The following PNKD variants were observed in gnomAD, a reference collection of about 807,000 sequenced individuals.
PNKD encodes PNKD metallo-beta-lactamase domain containing, also known as probable thioesterase PNKD.
In PNKD, 36 loss-of-function variants were observed where a neutral mutation model predicts 45.3. That is an observed-to-expected ratio of 0.80 (90% confidence interval 0.61 to 1.05). The LOEUF (loss-of-function observed/expected upper bound fraction) is 1.05, where lower values mean the gene tolerates loss of function less well. PNKD is among the 50% of genes least tolerant of loss of function. The probability of loss-of-function intolerance (pLI) is 0.00; values close to 1 mark genes in which losing one functional copy is unlikely to be tolerated. For synonymous variants in PNKD, 197 were observed against 210.1 expected, an observed-to-expected ratio of 0.94 and a Z score of 0.54; for missense variants, 511 against 506.6, an observed-to-expected ratio of 1.01 and a Z score of -0.08.
At chr2:218,311,654 C>T (rs964372484) in intron 2 of PNKD, among the ~76,000 whole-genome samples, 10 of 152,144 alleles carry the variant, frequency 6.6e-5, no homozygotes, top group African/African-American at 2.2e-4. Flanking sequence ...AGCCATAGGA[C>T]GGTTTTCTCC....
chr2:218,277,761 T>C lies in PNKD; in HGVS notation c.236+6212T>C, dbSNP rs1022562652. 6 of 1,579,854 alleles carry C rather than the reference T, an allele frequency of 3.8e-6. No individual in the cohort carries two copies. In the Admixed American group the frequency reaches 6.8e-5, roughly 18 times the overall value. ...TGGCCATGGTGGCCTCTGCCAGAGC[T>C]GGGGAACGCCACCAAGTTGGAAAGA... On this transcript the variant is annotated intron_variant, in intron 2 of 9. Coordinates refer to ENST00000273077, the MANE Select transcript of PNKD (RefSeq NM_015488.5).
intron 2 of PNKD, among the ~76,000 whole-genome samples, chr2:218,272,124 C>G (rs1265936385): frequency 6.6e-6 from 1 of 152,128 alleles, no homozygotes; most frequent in Non-Finnish European, 1.5e-5. Flanking sequence ...CATGCTCTTT[C>G]CCCCATACCA....
intron 2 of PNKD, among the ~76,000 whole-genome samples, chr2:218,323,680 G>C (rs891442193): frequency 1.3e-5 from 2 of 152,120 alleles, no homozygotes; most frequent in Non-Finnish European, 1.5e-5. Context: ...GGCCACGGAA[G>C]GAGGGCGTGA....
At chr2:218,278,657 G>T (rs997662985) in intron 2 of PNKD, 3 of 1,414,470 alleles carry the variant, frequency 2.1e-6, no homozygotes, top group African/African-American at 2.8e-5. Flanking sequence ...CCAAATAGCC[G>T]TTTGGAAGTC....
At chr2:218,332,525 G>C (rs920732420) in intron 2 of PNKD, among the ~76,000 whole-genome samples, 2 of 152,078 alleles carry the variant, frequency 1.3e-5, no homozygotes, top group Admixed American at 6.6e-5. Flanking sequence ...TAGGTCCTCA[G>C]GCTGCTCTCC....
intron 2 of PNKD, among the ~76,000 whole-genome samples, chr2:218,309,866 C>T (rs1038149645): frequency 4.6e-5 from 7 of 150,822 alleles, no homozygotes. Context: ...ACCTGGGAGG[C>T]GGAGGCTGCG....
chr2:218,324,387 A>C (rs556902462), intron 2 of PNKD, among the ~76,000 whole-genome samples: 2 of 152,300 alleles, frequency 1.3e-5, no homozygotes, highest in African/African-American at 4.8e-5. Flanking sequence ...GACATTGTGC[A>C]ATTCACCCTC....
intron 2 of PNKD, among the ~76,000 whole-genome samples, chr2:218,309,439 GGAAAGAAAAGGA>G (rs1693533706): frequency 7.4e-6 from 1 of 134,384 alleles, no homozygotes; most frequent in African/African-American, 2.8e-5. Context: ...AAAAAAAAAA[GGAAAGAAAAGGA>G]GAAAGAAAAA....
intron 1 of PNKD, 50 bp from the exon 2 acceptor site, chr2:218,271,331 T>C (rs2106177459): frequency 6.4e-7 from 1 of 1,554,602 alleles, no homozygotes; most frequent in Non-Finnish European, 8.9e-7. Context: ...ACCTCCCCGC[T>C]TGCTTTCTTC....
intron 2 of PNKD, among the ~76,000 whole-genome samples, chr2:218,320,751 G>T (rs532264805): frequency 6.6e-6 from 1 of 152,320 alleles, no homozygotes; most frequent in Non-Finnish European, 1.5e-5. Context: ...ATGTGCAAAG[G>T]CATGGGGGTG....
Position 218,278,892 on chromosome 2 carries a change from C to A in PNKD, c.236+7343C>A, listed in dbSNP as rs1407762286. 4.4e-6 allele frequency: 4 copies of A among 913,918 alleles called. No individual in the cohort carries two copies. In the East Asian group the frequency reaches 1.0e-4, roughly 24 times the overall value. The allele number at this position is 913,918 out of a possible 1,614,324, so 56.6% of individuals were successfully genotyped here. ...CTGCTACTCATCTGGGCACGCACAC[C>A]CACACCCTCTGGCACGGGAAACTGG... is the stretch of plus-strand genomic sequence containing the variant. On this transcript the variant is annotated intron_variant, in intron 2 of 9. Coordinates refer to ENST00000273077, the MANE Select transcript of PNKD (RefSeq NM_015488.5).
At chr2:218,300,861 T>G (rs893941096) in intron 2 of PNKD, among the ~76,000 whole-genome samples, 1 of 152,188 alleles carries the variant, frequency 6.6e-6, no homozygotes, top group African/African-American at 2.4e-5. Context: ...GAATTTTTAA[T>G]GGGATTTTTA....
chr2:218,330,645 A>C (rs548733051), intron 2 of PNKD, among the ~76,000 whole-genome samples: 1 of 152,310 alleles, frequency 6.6e-6, no homozygotes, highest in South Asian at 2.1e-4. Flanking sequence ...GTCCCAGAGG[A>C]CCAATTGGGA....
In PNKD at chr2:218,294,027, C is replaced by G. The variant is rs543522412; in HGVS notation, c.236+22478C>G. Reference sequence around the variant, plus strand: ...GTAAATATAGTTTAAGTAGGAGTTACTTAGGGGGACTAGTGGCCGTTATGG... The same window carrying G: ...GTAAATATAGTTTAAGTAGGAGTTAGTTAGGGGGACTAGTGGCCGTTATGG... On this transcript the variant is annotated intron_variant, in intron 2 of 9. Transcript: ENST00000273077. Among the ~76,000 whole-genome samples, 8 of 151,370 alleles carry G rather than the reference C, an allele frequency of 5.3e-5. No individual in the cohort carries two copies. In the South Asian group the frequency reaches 1.5e-3, roughly 28 times the overall value.
intron 2 of PNKD, among the ~76,000 whole-genome samples, chr2:218,302,075 A>T (rs1693286417): frequency 6.6e-6 from 1 of 151,808 alleles, no homozygotes; most frequent in African/African-American, 2.4e-5. Context: ...CAAGGCAGGG[A>T]GCTGTGGCTC....
At chr2:218,315,170 T>C (rs1693775984) in intron 2 of PNKD, among the ~76,000 whole-genome samples, 1 of 148,260 alleles carries the variant, frequency 6.7e-6, no homozygotes, top group South Asian at 2.2e-4. Context: ...TTTGAGACAG[T>C]CTTGCTGTGT....
At chr2:218,278,958 C>T (rs970675458) in intron 2 of PNKD, 1 of 1,555,396 alleles carries the variant, frequency 6.4e-7, no homozygotes, top group African/African-American at 1.4e-5. Flanking sequence ...TTTGATCCTG[C>T]CCTGAGCAAA....
chr2:218,336,831 T>C (rs188760193), intron 2 of PNKD, among the ~76,000 whole-genome samples: 1 of 145,618 alleles, frequency 6.9e-6, no homozygotes, highest in Non-Finnish European at 1.5e-5. Flanking sequence ...AGTTTCACTC[T>C]TGTTGCCCAG....
At chr2:218,315,454 G>A (rs1693785524) in intron 2 of PNKD, among the ~76,000 whole-genome samples, 1 of 152,132 alleles carries the variant, frequency 6.6e-6, no homozygotes, top group Non-Finnish European at 1.5e-5. Context: ...ATGGCGCCCG[G>A]CCAAGGATTT....
Sources: gnomAD v4.1 joint callset for allele counts (sites outside exome capture counted in the v4.1 genomes callset) on GRCh38, gnomAD v4.1.1 for gene constraint, MANE v1.5 for transcripts, NCBI Gene and HGNC (gene_info 2026-07-23, HGNC 2026-07-21) for gene names.